METTL24: variants seen among roughly 807,000 people sequenced by gnomAD.
The protein encoded by METTL24 is methyltransferase like 24.
Under a neutral mutation model 32.7 loss-of-function variants are expected in METTL24, and 29 were observed. The observed-to-expected ratio is 0.89, with a 90% CI of 0.66 to 1.21. METTL24 has a LOEUF of 1.21. METTL24 is among the 50% of genes most tolerant of loss of function. METTL24 has a pLI of 0.00. For missense variants in METTL24, 439 were observed against 468.1 expected, an observed-to-expected ratio of 0.94 and a Z score of 0.57; for synonymous variants, 163 against 179.5, an observed-to-expected ratio of 0.91 and a Z score of 0.73.
intron 4 of METTL24, among the ~76,000 whole-genome samples, chr6:110,253,109 C>A (rs1244032933): frequency 1.3e-5 from 2 of 152,158 alleles, no homozygotes; most frequent in African/African-American, 4.8e-5. Flanking sequence ...AGAGTATATT[C>A]ATTCCTGAAA....
intron 1 of METTL24, among the ~76,000 whole-genome samples, chr6:110,345,055 G>A (rs959873018): frequency 2.0e-5 from 3 of 152,112 alleles, no homozygotes; most frequent in Non-Finnish European, 4.4e-5. Context: ...CTAATATCCA[G>A]CATCTATGAG....
At chr6:110,315,048 T>C (rs912242497) in intron 3 of METTL24, among the ~76,000 whole-genome samples, 2 of 152,106 alleles carry the variant, frequency 1.3e-5, no homozygotes, top group Non-Finnish European at 2.9e-5. Context: ...AGGATGCTCT[T>C]AGTCTAGCTG....
At chr6:110,261,177 T>C (rs1384453656) in intron 4 of METTL24, among the ~76,000 whole-genome samples, 2 of 152,168 alleles carry the variant, frequency 1.3e-5, no homozygotes, top group Non-Finnish European at 2.9e-5. Flanking sequence ...CTTGGCAAAT[T>C]GGATAAAGAG....
intron 4 of METTL24, among the ~76,000 whole-genome samples, chr6:110,253,215 C>T (rs1327851112): frequency 6.6e-6 from 1 of 152,084 alleles, no homozygotes; most frequent in Non-Finnish European, 1.5e-5. Flanking sequence ...TAAAGAGGTC[C>T]TGAGTCAATA....
chr6:110,342,618 A>T (rs570330690), intron 1 of METTL24, among the ~76,000 whole-genome samples: 2 of 152,332 alleles, frequency 1.3e-5, no homozygotes, highest in African/African-American at 4.8e-5. Flanking sequence ...TTTAGTATAT[A>T]TACAGCTTGT....
At chr6:110,344,001 C>T (rs919720063) in intron 1 of METTL24, among the ~76,000 whole-genome samples, 1 of 152,178 alleles carries the variant, frequency 6.6e-6, no homozygotes, top group Non-Finnish European at 1.5e-5. Context: ...ACTTATAGTA[C>T]ATGGCTCAAG....
At chr6:110,290,248 A>C (rs1292504001) in intron 4 of METTL24, among the ~76,000 whole-genome samples, 1 of 152,080 alleles carries the variant, frequency 6.6e-6, no homozygotes, top group Non-Finnish European at 1.5e-5. Flanking sequence ...GTATATACCC[A>C]TGTAACCACC....
At chr6:110,307,756 T>C (rs529442905) in intron 3 of METTL24, among the ~76,000 whole-genome samples, 77 of 152,176 alleles carry the variant, frequency 5.1e-4, no homozygotes, top group African/African-American at 1.3e-3. Context: ...TGAGGGACAA[T>C]GAGTAGTTCC....
intron 3 of METTL24, among the ~76,000 whole-genome samples, chr6:110,314,697 C>T (rs1254607826): frequency 6.6e-6 from 1 of 152,180 alleles, no homozygotes; most frequent in Non-Finnish European, 1.5e-5. Flanking sequence ...TGCAGTGGCT[C>T]ACACCTGTAA....
At chr6:110,347,581 G>A (rs1431517210) in intron 1 of METTL24, among the ~76,000 whole-genome samples, 1 of 152,196 alleles carries the variant, frequency 6.6e-6, no homozygotes, top group African/African-American at 2.4e-5. Context: ...TTAGCAATTA[G>A]CTCTTTAACC....
chr6:110,308,790 C>G (rs1771668551), intron 3 of METTL24, among the ~76,000 whole-genome samples: 1 of 152,182 alleles, frequency 6.6e-6, no homozygotes, highest in African/African-American at 2.4e-5. Context: ...AGTACTGATA[C>G]ATGCTGCAAT....
At chr6:110,321,175 T>C (rs763781434) in intron 2 of METTL24, among the ~76,000 whole-genome samples, 2 of 152,070 alleles carry the variant, frequency 1.3e-5, no homozygotes, top group African/African-American at 4.8e-5. Flanking sequence ...AGGCAGAGGT[T>C]GTAGTGAGCT....
chr6:110,315,913 C>A (rs1299325114), intron 2 of METTL24, among the ~76,000 whole-genome samples: 1 of 152,164 alleles, frequency 6.6e-6, no homozygotes, highest in East Asian at 1.9e-4. Context: ...TCGTTACTCA[C>A]AGAGTCCCTA....
chr6:110,343,324 G>A (rs1772399853), intron 1 of METTL24, among the ~76,000 whole-genome samples: 1 of 152,196 alleles, frequency 6.6e-6, no homozygotes, highest in African/African-American at 2.4e-5. Flanking sequence ...AGGATGAGGG[G>A]ACCAGCACTG....
At chr6:110,350,498 A>AT (rs968461471) in intron 1 of METTL24, among the ~76,000 whole-genome samples, 51 of 151,422 alleles carry the variant, frequency 3.4e-4, no homozygotes, top group East Asian at 7.8e-4. Flanking sequence ...AAATTTTCAG[A>AT]TTTTTTTTTC....
intron 4 of METTL24, among the ~76,000 whole-genome samples, chr6:110,252,328 C>A (rs116075153): frequency 9.2e-4 from 140 of 152,274 alleles, no homozygotes; most frequent in African/African-American, 3.3e-3. Context: ...TAAGTCCTCC[C>A]GACTTGGCTT....
intron 3 of METTL24, among the ~76,000 whole-genome samples, chr6:110,301,333 C>A (rs1771513430): frequency 6.6e-6 from 1 of 152,190 alleles, no homozygotes. Flanking sequence ...GGCAGATTGA[C>A]TTGTCGACTC....
chr6:110,330,813 T>C (rs546491063), intron 1 of METTL24, among the ~76,000 whole-genome samples: 1 of 152,322 alleles, frequency 6.6e-6, no homozygotes, highest in African/African-American at 2.4e-5. Flanking sequence ...TATATCGACA[T>C]TATCCACAGT....
At chr6:110,326,767 C>T (rs573922249) in intron 1 of METTL24, among the ~76,000 whole-genome samples, 1 of 152,312 alleles carries the variant, frequency 6.6e-6, no homozygotes, top group Non-Finnish European at 1.5e-5. Context: ...ACAGCCAATC[C>T]TATTACATAC....
Sources: gnomAD v4.1 joint callset for allele counts (sites outside exome capture counted in the v4.1 genomes callset) on GRCh38, gnomAD v4.1.1 for gene constraint, MANE v1.5 for transcripts, NCBI Gene and HGNC (gene_info 2026-07-23, HGNC 2026-07-21) for gene names.